Variants in B3GAT2 observed in about 807,000 individuals in gnomAD.
B3GAT2 encodes beta-1,3-glucuronyltransferase 2.
A neutral mutation model predicts 27.8 loss-of-function variants in B3GAT2; 26 were observed. That is an observed-to-expected ratio of 0.93 (90% confidence interval 0.68 to 1.30). The LOEUF is 1.30. Ranked by LOEUF, B3GAT2 falls within the 50% of genes most tolerant of loss-of-function variation. The pLI, the probability that B3GAT2 is intolerant of heterozygous loss-of-function variation, is 0.00. For missense variants in B3GAT2, 458 were observed against 459.0 expected (o/e 1.00, Z 0.02); for synonymous variants, 218 against 195.1 (o/e 1.12, Z -0.98).
intron 2 of B3GAT2, among the ~76,000 whole-genome samples, chr6:70,869,618 TC>T (rs1441857768): frequency 6.6e-6 from 1 of 152,218 alleles, no homozygotes; most frequent in Non-Finnish European, 1.5e-5. Flanking sequence ...CCTGTGTAAG[TC>T]ATACTTTATT....
At chr6:70,922,590 A>G (rs1376040791) in intron 1 of B3GAT2, among the ~76,000 whole-genome samples, 1 of 152,108 alleles carries the variant, frequency 6.6e-6, no homozygotes, top group Non-Finnish European at 1.5e-5. Context: ...TTATTTTTAA[A>G]ATGAACAAAT....
rs1007938835 is a variant in B3GAT2 at position 70,859,722 on chromosome 6, T to C, written c.*1941A>G. 5.2e-6 allele frequency: 1 copy of C among 192,918 alleles called. No homozygotes were observed. Among genetic ancestry groups the C allele is most frequent in the African/African-American group, 2.3e-5 (1 of 42,940 alleles). 12.0% of individuals were successfully genotyped at this position (192,918 alleles called of 1,614,324 possible). On this transcript the variant is annotated 3_prime_UTR_variant, in exon 4 of 4. Coordinates refer to ENST00000230053, the MANE Select transcript of B3GAT2 (RefSeq NM_080742.3). Reference sequence around the variant, plus strand: ...TATTGCATACAATGAAAATAAATTTTAGATGTTTATGTTGTTAGATCAGCG... The same window carrying C: ...TATTGCATACAATGAAAATAAATTTCAGATGTTTATGTTGTTAGATCAGCG...
chr6:70,954,878 A>G (rs1195362647), intron 1 of B3GAT2, among the ~76,000 whole-genome samples: 1 of 149,048 alleles, frequency 6.7e-6, no homozygotes, highest in African/African-American at 2.5e-5. Flanking sequence ...GCCTCAAGGA[A>G]GAACACCTGT....
intron 1 of B3GAT2, among the ~76,000 whole-genome samples, chr6:70,918,495 G>A (rs1364507063): frequency 1.3e-5 from 2 of 152,124 alleles, no homozygotes; most frequent in Admixed American, 1.3e-4. Flanking sequence ...AGCATCGATG[G>A]TCTTTACAAT....
At chr6:70,921,190 T>C (rs899308179) in intron 1 of B3GAT2, among the ~76,000 whole-genome samples, 5 of 152,154 alleles carry the variant, frequency 3.3e-5, no homozygotes, top group Non-Finnish European at 5.9e-5. Flanking sequence ...GCTGGAAAAA[T>C]TGCTTTTTCT....
intron 1 of B3GAT2, among the ~76,000 whole-genome samples, chr6:70,940,263 G>A (rs1227844309): frequency 1.3e-5 from 2 of 152,102 alleles, no homozygotes; most frequent in Admixed American, 1.3e-4. Flanking sequence ...CTTAAGCAAT[G>A]TTTGCAAAAA....
intron 1 of B3GAT2, among the ~76,000 whole-genome samples, chr6:70,896,126 C>A (rs976340551): frequency 3.3e-5 from 5 of 152,138 alleles, no homozygotes; most frequent in African/African-American, 1.2e-4. Flanking sequence ...GTGGGTTTCC[C>A]TGGGTATAAT....
chr6:70,877,783 G>A (rs1003933475), intron 2 of B3GAT2, among the ~76,000 whole-genome samples: 2 of 152,202 alleles, frequency 1.3e-5, no homozygotes, highest in Non-Finnish European at 2.9e-5. Flanking sequence ...CAAAGGCATA[G>A]ATACCTGAGA....
At chr6:70,905,268 C>T (rs536024276) in intron 1 of B3GAT2, among the ~76,000 whole-genome samples, 1 of 152,148 alleles carries the variant, frequency 6.6e-6, no homozygotes, top group East Asian at 1.9e-4. Context: ...TTTGGAAGTC[C>T]CCCTAACCAC....
At chr6:70,912,660 TTATATCAGGATGATGCTGGCC>T (rs1772707168) in intron 1 of B3GAT2, among the ~76,000 whole-genome samples, 1 of 151,966 alleles carries the variant, frequency 6.6e-6, no homozygotes, top group East Asian at 1.9e-4. Context: ...GATGCTGGCC[TTATATCAGGATGATGCTGGCC>T]TTATAGAATG....
At chr6:70,909,121 A>G (rs1304844860) in intron 1 of B3GAT2, among the ~76,000 whole-genome samples, 1 of 151,938 alleles carries the variant, frequency 6.6e-6, no homozygotes, top group East Asian at 1.9e-4. Flanking sequence ...AGAAAGCCCA[A>G]ACACACACAC....
Position 70,858,025 on chromosome 6 carries a change from T to A in B3GAT2, c.*3638A>T. The stretch of plus-strand genomic sequence containing the variant: ...TGCCTGTGCCTGCAGCTCCTGGCCT[T>A]ATAGGAAATGTGATGGGACAGAGTC... On this transcript the variant is annotated 3_prime_UTR_variant, in exon 4 of 4. Transcript: ENST00000230053. 1.2e-6 allele frequency: 2 copies of A among 1,614,086 alleles called. No homozygotes were observed. Among genetic ancestry groups the A allele is most frequent in the Non-Finnish European group, 1.7e-6 (2 of 1,179,998 alleles).
At chr6:70,886,248 C>T (rs542189615) in intron 2 of B3GAT2, among the ~76,000 whole-genome samples, 6 of 152,318 alleles carry the variant, frequency 3.9e-5, no homozygotes, top group African/African-American at 1.4e-4. Context: ...AGACAACTCA[C>T]TTAGCATACC....
chr6:70,930,831 T>C (rs899210256), intron 1 of B3GAT2, among the ~76,000 whole-genome samples: 2 of 152,194 alleles, frequency 1.3e-5, no homozygotes, highest in African/African-American at 4.8e-5. Context: ...ATCCCATTAC[T>C]GGTTATATAC....
At chr6:70,927,105 C>A (rs1007322582) in intron 1 of B3GAT2, among the ~76,000 whole-genome samples, 21 of 152,134 alleles carry the variant, frequency 1.4e-4, no homozygotes, top group Admixed American at 1.2e-3. Flanking sequence ...GAAATAAAAT[C>A]CTTTACAGAC....
At chr6:70,947,981 A>C in intron 1 of B3GAT2, among the ~76,000 whole-genome samples, 1 of 152,094 alleles carries the variant, frequency 6.6e-6, no homozygotes, top group Non-Finnish European at 1.5e-5. Flanking sequence ...GACAAAAACC[A>C]CATGATTATC....
At position 70,956,350 on chromosome 6, in the gene B3GAT2, G is replaced by C. The variant is rs766587551; in HGVS notation, c.80C>G (p.Thr27Arg). ...LIVIIMLDVDTRRPVPPLTPR... is the reference protein window; with the variant it reads ...LIVIIMLDVDRRRPVPPLTPR... ...GGTGAGCGGGGGCACTGGCCTGCGC[G>C]TGTCCACGTCGAGCATGATGATGAC... Residue 27 changes from threonine to arginine, a missense_variant, in exon 1 of 4, where the codon ACG becomes AGG. Physicochemically the swap from Thr to Arg is moderately conservative, Grantham distance 71. Coordinates refer to ENST00000230053, the MANE Select transcript of B3GAT2 (RefSeq NM_080742.3). 3 of 1,568,904 alleles carry C rather than the reference G, an allele frequency of 1.9e-6. No homozygotes were observed. Among genetic ancestry groups the C allele is most frequent in the African/African-American group, 1.4e-5 (1 of 73,998 alleles).
intron 1 of B3GAT2, among the ~76,000 whole-genome samples, chr6:70,902,740 C>T (rs1772527812): frequency 6.7e-6 from 1 of 150,030 alleles, no homozygotes; most frequent in South Asian, 2.1e-4. Flanking sequence ...TAATTTGCAA[C>T]AACATAAAAA....
chr6:70,945,947 C>T (rs946358591), intron 1 of B3GAT2, among the ~76,000 whole-genome samples: 15 of 151,864 alleles, frequency 9.9e-5, no homozygotes, highest in Admixed American at 9.2e-4. Context: ...AATTTTCAAC[C>T]CAGAATCTCA....
Sources: gnomAD v4.1 joint callset for allele counts (sites outside exome capture counted in the v4.1 genomes callset) on GRCh38, gnomAD v4.1.1 for gene constraint, MANE v1.5 for transcripts, NCBI Gene and HGNC (gene_info 2026-07-23, HGNC 2026-07-21) for gene names.